L3MBTL1: variants seen among roughly 807,000 people sequenced by gnomAD.
L3MBTL1 encodes the protein L3MBTL histone methyl-lysine binding protein 1, also known as lethal(3)malignant brain tumor-like protein 1.
In L3MBTL1, 75 loss-of-function variants were observed where a neutral mutation model predicts 105.3. The observed-to-expected ratio is 0.71, with a 90% confidence interval of 0.59 to 0.86. L3MBTL1 has a LOEUF of 0.86. Among genes scored for constraint, L3MBTL1 ranks in the 40% least tolerant of loss-of-function variants. The pLI is 0.00. For missense variants in L3MBTL1, 1,069 were observed against 1,126.4 expected, an observed-to-expected ratio of 0.95 and a Z score of 0.73; for synonymous variants, 452 against 436.2, an observed-to-expected ratio of 1.04 and a Z score of -0.45.
At position 43,516,196 on chromosome 20, in the gene L3MBTL1, A is replaced by G. The variant is rs905736527; in HGVS notation, c.862+19A>G. On this transcript the variant is annotated intron_variant, in intron 7 of 21. Transcript: ENST00000418998. Reference sequence around the variant, plus strand: ...CAGCCTGGTACGGTGGCTTGTGTGTATATATATTCGTGTGAGGTGTGTATA... The same window carrying G: ...CAGCCTGGTACGGTGGCTTGTGTGTGTATATATTCGTGTGAGGTGTGTATA... 5.6e-6 allele frequency: 9 copies of G among 1,597,340 alleles called. No homozygotes were observed. Among genetic ancestry groups the G allele is most frequent in the Admixed American group, 1.7e-5 (1 of 59,894 alleles).
chr20:43,508,099 G>C (rs1425764522), intron 1 of L3MBTL1, among the ~76,000 whole-genome samples: 1 of 151,830 alleles, frequency 6.6e-6, no homozygotes, highest in Non-Finnish European at 1.5e-5. Flanking sequence ...CGGGGTTTTG[G>C]TTTTCTTGGG....
At chr20:43,514,271 A>C in intron 3 of L3MBTL1, 1 of 770,678 alleles carries the variant, frequency 1.3e-6, no homozygotes, top group Non-Finnish European at 2.0e-6. Flanking sequence ...GCTTGGAGTG[A>C]GGCACTCTGG....
chr20:43,536,317 G>T (rs753493716), intron 18 of L3MBTL1, 23 bp downstream of exon 18: 2 of 1,611,976 alleles, frequency 1.2e-6, no homozygotes, highest in Non-Finnish European at 1.7e-6. Flanking sequence ...GGGAATCAGG[G>T]CCCGGGCTTC....
rs760574607 is a variant in L3MBTL1 at position 43,533,991 on chromosome 20, C to G, written c.1514-17C>G. 21 of 1,601,698 alleles carry G rather than the reference C, an allele frequency of 1.3e-5. No homozygotes were observed. Among genetic ancestry groups the G allele is most frequent in the Non-Finnish European group, 1.8e-5 (21 of 1,168,886 alleles). Reference sequence around the variant, plus strand: ...TACACCTGGGTGGCTAGACATTGCTCTCATCCTCTCCTCCAGACTACCCAG... The same window carrying G: ...TACACCTGGGTGGCTAGACATTGCTGTCATCCTCTCCTCCAGACTACCCAG... On this transcript the variant is annotated splice_polypyrimidine_tract_variant and intron_variant, in intron 13 of 21. Coordinates refer to ENST00000418998, the MANE Select transcript of L3MBTL1 (RefSeq NM_001377303.1).
In L3MBTL1 at chr20:43,513,982, C is replaced by T. The variant is rs992447163; in HGVS notation, c.281C>T (p.Pro94Leu). ...ATVLPQLSAG[P>L]ASSSTSTVRL... ...GTCCTGCCGCAGCTTAGCGCCGGGC[C>T]GGCCAGCTCCAGCACCAGCACAGTG... The change falls in exon 3 of 22, where the codon CCG (proline) becomes CTG (leucine). Residue 94 changes from proline (P) to leucine (L), a missense_variant. Transcript: ENST00000418998. 6.5e-6 allele frequency: 10 copies of T among 1,545,762 alleles called. No individual in the cohort carries two copies. Among genetic ancestry groups the T allele is most frequent in the Non-Finnish European group, 7.8e-6 (9 of 1,146,904 alleles).
chr20:43,539,557 A>G (rs1163824517), intron 19 of L3MBTL1: 4 of 173,950 alleles, frequency 2.3e-5, no homozygotes, highest in Admixed American at 1.1e-4. Context: ...GTCAGGGATC[A>G]CCCTCTAGTG....
intron 1 of L3MBTL1, 121 bp downstream of exon 1, chr20:43,507,865 C>G (rs1353742158): frequency 1.3e-5 from 2 of 151,902 alleles, no homozygotes; most frequent in African/African-American, 4.8e-5. Context: ...CTTCCGAGCG[C>G]CTCCGGCGGG....
intron 7 of L3MBTL1, chr20:43,523,689 A>G (rs562184736): frequency 2.0e-4 from 32 of 156,158 alleles, no homozygotes; most frequent in Admixed American, 1.5e-3. Flanking sequence ...TAATATCTAT[A>G]GGACATTTTT....
chr20:43,524,027 A>G (rs977654775), intron 7 of L3MBTL1, among the ~76,000 whole-genome samples: 6 of 151,006 alleles, frequency 4.0e-5, no homozygotes, highest in African/African-American at 7.3e-5. Flanking sequence ...GGATGTCACT[A>G]TGTTGGCCAG....
exon 19 of L3MBTL1, chr20:43,549,708 CATGTG>C (rs1479074769): frequency 6.8e-6 from 1 of 147,472 alleles, no homozygotes; most frequent in Non-Finnish European, 1.5e-5. Context: ...CCCCTTCAAT[CATGTG>C]ATGTGTGTGT....
rs1381807477 is a variant in L3MBTL1 at position 43,516,128 on chromosome 20, A to T, written c.813A>T (p.Gln271His). 1 of 1,613,942 alleles carries T rather than the reference A, an allele frequency of 6.2e-7. No homozygotes were observed. Among genetic ancestry groups the T allele is most frequent in the African/African-American group, 1.3e-5 (1 of 74,918 alleles). The stretch of plus-strand genomic sequence containing the variant: ...AAGAAGGAAAGGACCCAGAGGGACA[A>T]CCCACTGCTAGCACCCCAGAGAGTG... ...KQEEGKDPEG[Q>H]PTASTPESEE... is the part of the protein sequence containing the mutation. Residue 271 changes from glutamine (Q) to histidine (H), a missense_variant, in exon 7 of 22, where the codon CAA becomes CAT. Coordinates refer to ENST00000418998, the MANE Select transcript of L3MBTL1 (RefSeq NM_001377303.1).
exon 19 of L3MBTL1, chr20:43,549,859 G>A (rs1373743414): frequency 6.6e-6 from 1 of 152,218 alleles, no homozygotes; most frequent in African/African-American, 2.4e-5. Context: ...TCCCTTAGAA[G>A]TGGGAAACCC....
At chr20:43,510,431 G>A (rs1424290680) in intron 1 of L3MBTL1, among the ~76,000 whole-genome samples, 2 of 135,140 alleles carry the variant, frequency 1.5e-5, no homozygotes, top group East Asian at 4.2e-4. Context: ...TTGAGGTGGA[G>A]TCTTATTCTG....
At chr20:43,535,702 A>G (rs2019567440) in intron 16 of L3MBTL1, 135 bp from the exon 17 acceptor site, 3 of 609,440 alleles carry the variant, frequency 4.9e-6, no homozygotes, top group Admixed American at 5.7e-5. Context: ...GAATGGTGTC[A>G]CAGCCAACGC....
exon 19 of L3MBTL1, chr20:43,549,252 T>C (rs941324951): frequency 3.9e-5 from 6 of 152,296 alleles, no homozygotes; most frequent in African/African-American, 1.4e-4. Flanking sequence ...GCCCATGGGG[T>C]GATGGCTCCA....
intron 19 of L3MBTL1, among the ~76,000 whole-genome samples, chr20:43,538,335 C>A (rs2019735545): frequency 6.6e-6 from 1 of 152,218 alleles, no homozygotes; most frequent in South Asian, 2.1e-4. Context: ...CTACATCTTT[C>A]CAGAGGCTGA....
chr20:43,533,542 T>G (rs2019451373), intron 13 of L3MBTL1, 124 bp downstream of exon 13: 1 of 743,140 alleles, frequency 1.3e-6, no homozygotes, highest in Non-Finnish European at 2.1e-6. Context: ...AACAGACATG[T>G]CCTGAAGCCT....
chr20:43,532,413 C>T (rs1190106277), intron 11 of L3MBTL1: 1 of 212,504 alleles, frequency 4.7e-6, no homozygotes, highest in African/African-American at 2.3e-5. Flanking sequence ...TCTTCCCAGC[C>T]ACCCCACTGT....
exon 19 of L3MBTL1, chr20:43,548,132 C>G (rs1978750959): frequency 7.7e-7 from 1 of 1,304,236 alleles, no homozygotes; most frequent in Non-Finnish European, 1.0e-6. Context: ...CGAGGCCTTC[C>G]TTTTGCTGAC....
Sources: allele counts gnomAD v4.1 joint callset (sites outside exome capture counted in the v4.1 genomes callset), GRCh38; gene constraint gnomAD v4.1.1; transcripts MANE v1.5; gene names NCBI Gene and HGNC (gene_info 2026-07-23, HGNC 2026-07-21).